STARD9: variants seen among roughly 807,000 people sequenced by gnomAD.
The protein encoded by STARD9 is stAR-related lipid transfer protein 9.
Under a neutral mutation model 399.8 loss-of-function variants are expected in STARD9, and 346 were observed. The ratio of observed to expected loss-of-function variants is 0.87; its 90% CI spans 0.79 to 0.95. The LOEUF (loss-of-function observed/expected upper bound fraction) is 0.95, where lower values mean the gene tolerates loss of function less well. STARD9 is among the 40% of genes least tolerant of loss of function. STARD9 has a pLI of 0.00. For synonymous variants in STARD9, 2,203 were observed against 2,143.5 expected, an observed-to-expected ratio of 1.03 and a Z score of -0.77; for missense variants, 5,832 against 5,667.5, an observed-to-expected ratio of 1.03 and a Z score of -0.93.
At chr15:42,656,240 A>C (rs1446617634) in intron 9 of STARD9, among the ~76,000 whole-genome samples, 1 of 146,948 alleles carries the variant, frequency 6.8e-6, no homozygotes, top group Non-Finnish European at 1.5e-5. Flanking sequence ...CCAGCTACTC[A>C]CGAGGCTGAA....
In STARD9 at chr15:42,652,583, C is replaced by T; in HGVS notation, c.693C>T (p.His231=). 6.5e-7 allele frequency: 1 copy of T among 1,537,460 alleles called. No individual in the cohort carries two copies. Among genetic ancestry groups the T allele is most frequent in the Non-Finnish European group, 8.7e-7 (1 of 1,146,924 alleles). Residue 231 remains histidine, a synonymous_variant, in exon 9 of 33, where the codon CAC becomes CAT. Coordinates refer to ENST00000290607, the MANE Select transcript of STARD9 (RefSeq NM_020759.3). ...GATCCCACGCCATTTTCACGATCCA[C>T]TACACGCAGGTTGGTAACTCCTTAT... is the stretch of plus-strand genomic sequence containing the variant. The part of the protein sequence containing the change: ...SSRSHAIFTI[H]YTQAILENNL...
intron 1 of STARD9, among the ~76,000 whole-genome samples, chr15:42,577,234 A>G (rs555489776): frequency 6.6e-6 from 1 of 152,096 alleles, no homozygotes; most frequent in East Asian, 1.9e-4. Context: ...GCTCACTGCA[A>G]GCTCCGCCTC....
chr15:42,656,656 C>G (rs775228853), intron 9 of STARD9, among the ~76,000 whole-genome samples: 6 of 152,180 alleles, frequency 3.9e-5, no homozygotes, highest in Admixed American at 3.9e-4. Flanking sequence ...GAAAAGGCAC[C>G]AAATAATAGC....
rs114991203 is a variant in STARD9, at chr15:42,698,720, T to C, written c.13284+2840T>C. Among the ~76,000 whole-genome samples the C allele has an allele frequency of 5.4e-3, 819 of 152,330 alleles. 2 individuals are homozygous for C. The highest frequency in any genetic ancestry group is 0.019 in the African/African-American group (787 of 41,574). On this transcript the variant is annotated intron_variant, in intron 26 of 32. Coordinates refer to ENST00000290607, the MANE Select transcript of STARD9 (RefSeq NM_020759.3). ...AAACACATTCTTCAATCCACAATTA[T>C]AAAGAATTTCTTCCATGGTTTCTTC...
intron 13 of STARD9, among the ~76,000 whole-genome samples, chr15:42,664,762 G>T (rs1348227211): frequency 5.3e-5 from 8 of 150,548 alleles, no homozygotes; most frequent in African/African-American, 2.0e-4. Context: ...GAGAGTGTAT[G>T]AATTCATTGG....
chr15:42,605,274 T>C (rs1016526183), intron 3 of STARD9, among the ~76,000 whole-genome samples: 2 of 152,190 alleles, frequency 1.3e-5, no homozygotes, highest in Non-Finnish European at 2.9e-5. Flanking sequence ...AGCGAAAACC[T>C]TTCTGCAGGA....
chr15:42,656,379 G>T (rs1252212750), intron 9 of STARD9, among the ~76,000 whole-genome samples: 1 of 139,992 alleles, frequency 7.1e-6, no homozygotes, highest in African/African-American at 2.7e-5. Context: ...ATGTTGCCGT[G>T]GATATGGTGA....
intron 3 of STARD9, among the ~76,000 whole-genome samples, chr15:42,623,254 A>G (rs1319244400): frequency 1.3e-5 from 2 of 149,972 alleles, no homozygotes; most frequent in East Asian, 3.9e-4. Context: ...CTCTGTCTCA[A>G]AAAAAAAAAG....
At chr15:42,700,952 G>A (rs2060951983) in intron 26 of STARD9, among the ~76,000 whole-genome samples, 1 of 152,108 alleles carries the variant, frequency 6.6e-6, no homozygotes, top group Non-Finnish European at 1.5e-5. Context: ...AGAGATAGGG[G>A]TCTAGTTTCT....
At chr15:42,584,953 G>A (rs147888154) in intron 2 of STARD9, among the ~76,000 whole-genome samples, 3 of 152,334 alleles carry the variant, frequency 2.0e-5, no homozygotes, top group South Asian at 2.1e-4. Flanking sequence ...GACGCCATGA[G>A]TGGAAAGTTT....
chr15:42,678,046 C>T (rs2060347231), intron 20 of STARD9, among the ~76,000 whole-genome samples: 1 of 152,140 alleles, frequency 6.6e-6, no homozygotes, highest in Non-Finnish European at 1.5e-5. Flanking sequence ...CCTCTCCCAC[C>T]CACTGTCTCC....
intron 26 of STARD9, among the ~76,000 whole-genome samples, chr15:42,706,199 G>C (rs1380885244): frequency 6.6e-6 from 1 of 152,146 alleles, no homozygotes; most frequent in Non-Finnish European, 1.5e-5. Flanking sequence ...AAATGTACTA[G>C]GTTCAAGCTT....
intron 1 of STARD9, among the ~76,000 whole-genome samples, chr15:42,578,625 G>GTT (rs60284149): frequency 1.0e-4 from 14 of 138,356 alleles, no homozygotes; most frequent in Non-Finnish European, 1.1e-4. Context: ...GTATAGCTTT[G>GTT]TTTTTTTTTT....
At chr15:42,677,292 T>G (rs1289567475) in intron 20 of STARD9, among the ~76,000 whole-genome samples, 6 of 152,058 alleles carry the variant, frequency 3.9e-5, no homozygotes, top group Admixed American at 3.9e-4. Context: ...AATGCTGTGA[T>G]TCAGGAAAGC....
At chr15:42,578,658 ATG>A (rs1402048735) in intron 1 of STARD9, among the ~76,000 whole-genome samples, 6 of 150,532 alleles carry the variant, frequency 4.0e-5, no homozygotes, top group Non-Finnish European at 8.9e-5. Context: ...TTCCAAGAAT[ATG>A]TAAAATGAGA....
chr15:42,718,676 A>G lies in STARD9; in HGVS notation c.13843-76A>G, dbSNP rs575006916. Reference sequence around the variant, plus strand: ...GGCTGGCCCAGTGTTGCCTTTCACCATACTGTCTACACGGGAGCCTGTTCC... The same window carrying G: ...GGCTGGCCCAGTGTTGCCTTTCACCGTACTGTCTACACGGGAGCCTGTTCC... On this transcript the variant is annotated intron_variant, in intron 31 of 32. Coordinates refer to ENST00000290607, the MANE Select transcript of STARD9 (RefSeq NM_020759.3). The G allele has an allele frequency of 4.2e-5, 63 of 1,494,854 alleles. 1 individual carries two copies. The East Asian group carries it at 1.4e-3, about 34-fold the overall frequency. The allele number at this position is 1,494,854 out of a possible 1,614,324, so 92.6% of individuals were successfully genotyped here.
chr15:42,680,680 GC>G (rs2060410129), intron 20 of STARD9, among the ~76,000 whole-genome samples: 1 of 152,070 alleles, frequency 6.6e-6, no homozygotes, highest in African/African-American at 2.4e-5. Context: ...TCAACTTACG[GC>G]TAATCTTAGT....
chr15:42,612,517 T>TC (rs1215662035), intron 3 of STARD9, among the ~76,000 whole-genome samples: 7 of 152,220 alleles, frequency 4.6e-5, no homozygotes, highest in Non-Finnish European at 1.0e-4. Context: ...CTATCTTTTA[T>TC]CATTTCTCAC....
intron 3 of STARD9, among the ~76,000 whole-genome samples, chr15:42,601,114 C>G (rs936199949): frequency 6.6e-6 from 1 of 152,150 alleles, no homozygotes; most frequent in Non-Finnish European, 1.5e-5. Context: ...CAAAGCACAT[C>G]TTGCACTGCC....
Sources: gnomAD v4.1 joint callset for allele counts (sites outside exome capture counted in the v4.1 genomes callset) on GRCh38, gnomAD v4.1.1 for gene constraint, MANE v1.5 for transcripts, NCBI Gene and HGNC (gene_info 2026-07-23, HGNC 2026-07-21) for gene names.